Variants in PGR observed in about 807,000 individuals in gnomAD.
The protein encoded by PGR is progesterone receptor.
PGR carries 25 observed loss-of-function variants against 76.1 expected under a neutral mutation model. That is an observed-to-expected ratio of 0.33 (90% CI 0.24 to 0.46). The LOEUF (loss-of-function observed/expected upper bound fraction) is 0.46. PGR is among the 20% of genes least tolerant of loss of function. The pLI is 1.00. For synonymous variants in PGR, 579 were observed against 535.0 expected (o/e 1.08, Z -1.14); for missense variants, 1,172 against 1,225.3 (o/e 0.96, Z 0.65).
At chr11:101,112,164 T>C (rs1003572764) in intron 2 of PGR, among the ~76,000 whole-genome samples, 1 of 152,176 alleles carries the variant, frequency 6.6e-6, no homozygotes, top group Middle Eastern at 3.4e-3. Flanking sequence ...CAACAACTGA[T>C]TGGGTTAGGT....
At chr11:101,065,487 T>C (rs562019935) in intron 3 of PGR, among the ~76,000 whole-genome samples, 36 of 152,302 alleles carry the variant, frequency 2.4e-4, no homozygotes, top group African/African-American at 6.7e-4. Flanking sequence ...ATAATTGTAC[T>C]CTTAGCATTT....
chr11:101,063,880 A>T (rs1341856091), intron 3 of PGR: 1 of 152,132 alleles, frequency 6.6e-6, no homozygotes, highest in African/African-American at 2.4e-5. Context: ...CAGTTTTTCC[A>T]GTTCCCTCCA....
At chr11:101,080,279 C>A (rs958476671) in intron 3 of PGR, among the ~76,000 whole-genome samples, 5 of 152,102 alleles carry the variant, frequency 3.3e-5, no homozygotes, top group Non-Finnish European at 5.9e-5. Context: ...CCTATACGTG[C>A]CGCCTATGGG....
At chr11:101,101,648 C>T (rs536144276) in intron 2 of PGR, among the ~76,000 whole-genome samples, 12 of 152,296 alleles carry the variant, frequency 7.9e-5, no homozygotes, top group Non-Finnish European at 1.8e-4. Flanking sequence ...TCCACCAAAA[C>T]AACATATTGG....
intron 2 of PGR, among the ~76,000 whole-genome samples, chr11:101,110,133 G>A (rs1209125931): frequency 6.6e-6 from 1 of 152,162 alleles, no homozygotes; most frequent in East Asian, 1.9e-4. Context: ...ATGTATTCAT[G>A]CCTGCTAACA....
At chr11:101,121,368 A>G (rs1565369132) in intron 2 of PGR, among the ~76,000 whole-genome samples, 1 of 152,236 alleles carries the variant, frequency 6.6e-6, no homozygotes, top group Non-Finnish European at 1.5e-5. Flanking sequence ...CTCTAAATAT[A>G]GAACAAATAA....
chr11:101,127,717 A>T lies in PGR; in HGVS notation c.1354T>A (p.Ser452Thr), dbSNP rs1862908786. The T allele has an allele frequency of 1.3e-6, 2 of 1,585,198 alleles. No homozygotes were observed. The highest frequency in any genetic ancestry group is 1.3e-5 in the African/African-American group (1 of 74,720). The change falls in exon 1 of 8, where the codon TCC (serine) becomes ACC (threonine). Residue 452 changes from serine to threonine, a missense_variant. Transcript: ENST00000325455. ...CACTCCAGGGTCGACCCCGAGGAGG[A>T]CGCAGACGAGACTGAGGCACTGGCG... ...APASASVSSA[S>T]SSGSTLECIL...
At chr11:101,125,034 A>T (rs535824902) in intron 2 of PGR, among the ~76,000 whole-genome samples, 57 of 152,110 alleles carry the variant, frequency 3.7e-4, no homozygotes, top group South Asian at 1.0e-3. Flanking sequence ...ACAAACAAAA[A>T]TCCTCAGAAC....
At chr11:101,049,430 C>T (rs553431767) in intron 6 of PGR, among the ~76,000 whole-genome samples, 37 of 152,248 alleles carry the variant, frequency 2.4e-4, no homozygotes, top group Admixed American at 7.9e-4. Flanking sequence ...ATGTACTGTA[C>T]ATAATTGTAT....
Position 101,051,425 on chromosome 11 carries a change from C to T in PGR, c.2356G>A (p.Glu786Lys), listed in dbSNP as rs1165724245. 6.3e-7 allele frequency: 1 copy of T among 1,599,924 alleles called. No individual in the cohort carries two copies. The highest frequency in any genetic ancestry group is 8.6e-7 in the Non-Finnish European group (1 of 1,167,876). The change falls in exon 5 of 8, where the codon GAA (glutamate) becomes AAA (lysine). Residue 786 changes from glutamate to lysine, a missense_variant and splice_region_variant. Glu to Lys is a moderately conservative substitution (Grantham distance 56). Coordinates refer to ENST00000325455, the MANE Select transcript of PGR (RefSeq NM_000926.4). ...AAAACAACAAAAGTTACTACTTACT[C>T]ATTTAGTATTAGATCAGGTGCAAAA... Reference protein sequence around the residue: ...LYFAPDLILNEQRMKESSFYS... With the variant: ...LYFAPDLILNKQRMKESSFYS...
In PGR at chr11:101,035,952, G is replaced by C. The variant is rs1859496955; in HGVS notation, c.*3164C>G. On this transcript the variant is annotated 3_prime_UTR_variant, in exon 8 of 8. Coordinates refer to ENST00000325455, the MANE Select transcript of PGR (RefSeq NM_000926.4). ...AATAGTAGCAATTACTATTTCTGAA[G>C]GCCTGTATACGTTTTTTTTGGTTTC... The C allele has an allele frequency of 4.4e-6, 1 of 228,238 alleles. No individual in the cohort carries two copies. The highest frequency in any genetic ancestry group is 2.2e-5 in the African/African-American group (1 of 45,050). The allele number at this position is 228,238 out of a possible 1,614,324, so 14.1% of individuals were successfully genotyped here.
At chr11:101,086,905 ACTACAT>A (rs61064477) in intron 3 of PGR, among the ~76,000 whole-genome samples, 22,490 of 152,082 alleles carry the variant, frequency 0.15, 3,060 homozygotes, top group East Asian at 0.78. Context: ...TACATGGATA[ACTACAT>A]AACATTGCTA....
At chr11:101,109,028 T>C (rs1862264053) in intron 2 of PGR, among the ~76,000 whole-genome samples, 1 of 152,338 alleles carries the variant, frequency 6.6e-6, no homozygotes, top group Middle Eastern at 3.4e-3. Flanking sequence ...ATGTTATTAC[T>C]GTAATTGTTT....
chr11:101,100,605 C>CCACACACACACA (rs10682415), intron 2 of PGR, among the ~76,000 whole-genome samples: 5 of 147,580 alleles, frequency 3.4e-5, no homozygotes, highest in African/African-American at 1.3e-4. Context: ...TATTTTGAAT[C>CCACACACACACA]CACACACACA....
chr11:101,115,439 C>T lies in PGR; in HGVS notation c.1789+10568G>A, dbSNP rs148628491. The stretch of plus-strand genomic sequence containing the variant: ...TATGGCTTATTTATCTTTTATAGCT[C>T]CCTGTAGAACCCAGCATGGTACTAA... On this transcript the variant is annotated intron_variant, in intron 2 of 7. Transcript: ENST00000325455. Among the ~76,000 whole-genome samples, 891 of 152,100 alleles carry T rather than the reference C, an allele frequency of 5.9e-3. 3 individuals are homozygous for T. Among genetic ancestry groups the T allele is most frequent in the Middle Eastern group, 0.017 (5 of 294 alleles).
intron 3 of PGR, among the ~76,000 whole-genome samples, chr11:101,069,387 T>C (rs761698056): frequency 8.5e-5 from 13 of 152,116 alleles, no homozygotes; most frequent in African/African-American, 1.2e-4. Context: ...TGTGGAGAAA[T>C]AGGAAAGCTT....
chr11:101,104,450 G>A (rs1862086784), intron 2 of PGR, among the ~76,000 whole-genome samples: 1 of 152,180 alleles, frequency 6.6e-6, no homozygotes, highest in South Asian at 2.1e-4. Context: ...TATGGATTAA[G>A]TGAGCTAAAT....
chr11:101,129,729 A>G lies in PGR; in HGVS notation c.-659T>C, dbSNP rs1053619483. ...TCGGGTTGTAGATTTCACTCAAATG[A>G]CAAGTGAAGCTAGTTCTCATTGAGA... On this transcript the variant is annotated 5_prime_UTR_variant, in exon 1 of 8. Coordinates refer to ENST00000325455, the MANE Select transcript of PGR (RefSeq NM_000926.4). 5.5e-6 allele frequency: 1 copy of G among 180,434 alleles called. No individual in the cohort carries two copies. The highest frequency in any genetic ancestry group is 1.2e-5 in the Non-Finnish European group (1 of 84,450). The allele number at this position is 180,434 out of a possible 1,614,324, so 11.2% of individuals were successfully genotyped here.
chr11:101,116,984 C>A (rs189395847), intron 2 of PGR, among the ~76,000 whole-genome samples: 2 of 152,174 alleles, frequency 1.3e-5, no homozygotes, highest in Admixed American at 1.3e-4. Flanking sequence ...CAAGGGTATA[C>A]CACAATTTGC....
Sources: allele counts gnomAD v4.1 joint callset (sites outside exome capture counted in the v4.1 genomes callset), GRCh38; gene constraint gnomAD v4.1.1; transcripts MANE v1.5; gene names NCBI Gene and HGNC (gene_info 2026-07-23, HGNC 2026-07-21).